Variants in GOLM1 observed in about 807,000 individuals in gnomAD.
GOLM1 encodes epididymis luminal protein 46.
In GOLM1, 31 loss-of-function variants were observed where a neutral mutation model predicts 50.5. The observed-to-expected ratio is 0.61, with a 90% confidence interval of 0.46 to 0.83. The LOEUF (loss-of-function observed/expected upper bound fraction) is 0.83. GOLM1 is among the 40% of genes least tolerant of loss of function. The pLI is 0.00. For synonymous variants in GOLM1, 178 were observed against 192.8 expected (o/e 0.92, Z 0.64); for missense variants, 491 against 501.3 (o/e 0.98, Z 0.20).
intron 3 of GOLM1, among the ~76,000 whole-genome samples, chr9:86,058,316 G>A (rs1352747558): frequency 2.6e-5 from 4 of 152,126 alleles, no homozygotes; most frequent in Non-Finnish European, 4.4e-5. Context: ...GACATAAATG[G>A]CCAATATGTA....
chr9:86,034,019 C>T (rs142317069), intron 8 of GOLM1, among the ~76,000 whole-genome samples: 4,369 of 147,796 alleles, frequency 0.03, 119 homozygotes, highest in Middle Eastern at 0.054. Flanking sequence ...GGCTGGAGTG[C>T]GGTGGCGTAA....
At chr9:86,063,414 T>C (rs1834216986) in intron 3 of GOLM1, among the ~76,000 whole-genome samples, 1 of 152,186 alleles carries the variant, frequency 6.6e-6, no homozygotes, top group Admixed American at 6.5e-5. Context: ...GAGACACTTT[T>C]GTACATTCTG....
At chr9:86,037,238 A>AACCCCATCT (rs1308649683) in intron 6 of GOLM1, among the ~76,000 whole-genome samples, 9 of 152,166 alleles carry the variant, frequency 5.9e-5, no homozygotes, top group Admixed American at 5.9e-4. Context: ...AACATGGTGA[A>AACCCCATCT]ACCCCATCTC....
intron 3 of GOLM1, among the ~76,000 whole-genome samples, chr9:86,053,589 C>T (rs11141201): frequency 6.0e-4 from 1 of 1,662 alleles, no homozygotes; most frequent in Non-Finnish European, 1.5e-3. Context: ...CCACACACCA[C>T]ACCACTCCAC....
At chr9:86,053,584 C>CCAA (rs1441760798) in intron 3 of GOLM1, among the ~76,000 whole-genome samples, 29 of 13,682 alleles carry the variant, frequency 2.1e-3, no homozygotes, top group Middle Eastern at 0.028. Flanking sequence ...ACACACCACA[C>CCAA]ACCACACCAC....
intron 3 of GOLM1, 102 bp from the exon 4 acceptor site, chr9:86,052,693 C>A (rs1272763336): frequency 2.1e-6 from 2 of 970,788 alleles, no homozygotes; most frequent in Admixed American, 1.7e-5. Context: ...CAACCCAGCG[C>A]TGCTGTCAGG....
chr9:86,085,552 C>T (rs1328786841), intron 1 of GOLM1, among the ~76,000 whole-genome samples: 1 of 146,148 alleles, frequency 6.8e-6, no homozygotes, highest in Non-Finnish European at 1.5e-5. Flanking sequence ...CATAGGTATA[C>T]CTGTGCCATG....
At chr9:86,039,762 G>C (rs191279439) in intron 6 of GOLM1, among the ~76,000 whole-genome samples, 2 of 152,074 alleles carry the variant, frequency 1.3e-5, no homozygotes, top group African/African-American at 2.4e-5. Flanking sequence ...GAGGTCAGCC[G>C]TTCAAGACCA....
chr9:86,051,853 G>A (rs1258929146), intron 4 of GOLM1, among the ~76,000 whole-genome samples: 1 of 152,042 alleles, frequency 6.6e-6, no homozygotes, highest in Admixed American at 6.6e-5. Context: ...AATATTCTTA[G>A]AACCTGACTT....
At chr9:86,071,078 T>TACATGTACACACACAC (rs143794304) in intron 3 of GOLM1, among the ~76,000 whole-genome samples, 1 of 148,224 alleles carries the variant, frequency 6.7e-6, no homozygotes, top group Non-Finnish European at 1.5e-5. Flanking sequence ...TATATACATG[T>TACATGTACACACACAC]ACACACACAC....
intron 5 of GOLM1, among the ~76,000 whole-genome samples, chr9:86,042,460 T>C (rs1473880503): frequency 2.0e-5 from 3 of 152,032 alleles, no homozygotes; most frequent in Non-Finnish European, 2.9e-5. Flanking sequence ...GAATATACCC[T>C]TGAGTTCAAA....
intron 3 of GOLM1, among the ~76,000 whole-genome samples, chr9:86,070,280 A>G (rs1461388823): frequency 6.6e-6 from 1 of 152,122 alleles, no homozygotes; most frequent in African/African-American, 2.4e-5. Flanking sequence ...GCTGTTAAAC[A>G]TTGATTATTT....
chr9:86,026,567 G>C lies in GOLM1; in HGVS notation c.*1250C>G, dbSNP rs1832790412. On this transcript the variant is annotated 3_prime_UTR_variant, in exon 10 of 10. Transcript: ENST00000388712. ...AAGAGGGTTGGATCAAACGATCTCT[G>C]GGGCCTTAGCATCTCAAATCCTGTG... The C allele has an allele frequency of 1.1e-6, 1 of 916,772 alleles. No individual in the cohort carries two copies. The highest frequency in any genetic ancestry group is 1.3e-6 in the Non-Finnish European group (1 of 767,458). 56.8% of individuals were successfully genotyped at this position (916,772 alleles called of 1,614,324 possible).
chr9:86,037,578 T>C (rs1489084499), intron 6 of GOLM1, among the ~76,000 whole-genome samples: 1 of 152,212 alleles, frequency 6.6e-6, no homozygotes, highest in Non-Finnish European at 1.5e-5. Context: ...TCCAGTTTTC[T>C]GTTCCTCACG....
chr9:86,039,066 TAATAA>T (rs1833244688), intron 6 of GOLM1, among the ~76,000 whole-genome samples: 2 of 152,318 alleles, frequency 1.3e-5, no homozygotes, highest in South Asian at 2.1e-4. Flanking sequence ...CATATATCTT[TAATAA>T]AATAGATTTT....
chr9:86,030,982 C>A (rs1360725516), intron 9 of GOLM1, among the ~76,000 whole-genome samples: 1 of 152,190 alleles, frequency 6.6e-6, no homozygotes, highest in Non-Finnish European at 1.5e-5. Flanking sequence ...GAGGCCAAGG[C>A]AGGCGGATCA....
rs762787657 is a variant in GOLM1 at position 86,035,363 on chromosome 9, C to A, written c.1015+5G>T. The A allele has an allele frequency of 3.1e-6, 5 of 1,612,212 alleles. No homozygotes were observed. Among genetic ancestry groups the A allele is most frequent in the Admixed American group, 1.7e-5 (1 of 59,972 alleles). On this transcript the variant is annotated splice_donor_5th_base_variant and intron_variant, in intron 8 of 9. Transcript: ENST00000388712. ...CCACAGCGGCCCCCGAAACTTCACA[C>A]CCACCTTCCCCGGCAGCTTCCTGCT...
chr9:86,062,617 AG>A (rs1473646328), intron 3 of GOLM1, among the ~76,000 whole-genome samples: 1 of 147,680 alleles, frequency 6.8e-6, no homozygotes, highest in East Asian at 2.0e-4. Flanking sequence ...GGGCAAGAGG[AG>A]GATGGAGGGA....
At chr9:86,068,192 A>C (rs1157716770) in intron 3 of GOLM1, among the ~76,000 whole-genome samples, 16 of 152,192 alleles carry the variant, frequency 1.1e-4, no homozygotes, top group Admixed American at 9.2e-4. Context: ...AAATTGCACA[A>C]AACTGCACTT....
Sources: gnomAD v4.1 joint callset for allele counts (sites outside exome capture counted in the v4.1 genomes callset) on GRCh38, gnomAD v4.1.1 for gene constraint, MANE v1.5 for transcripts, NCBI Gene and HGNC (gene_info 2026-07-23, HGNC 2026-07-21) for gene names.